POU3F3: variants seen among roughly 807,000 people sequenced by gnomAD.
POU3F3 encodes the protein POU domain, class 3, transcription factor 3.
POU3F3 carries 1 observed loss-of-function variant against 8.6 expected under a neutral mutation model. The observed-to-expected ratio is 0.12, with a 90% CI of 0.04 to 0.55. The LOEUF is 0.55. Ranked by LOEUF, POU3F3 falls within the 20% of genes least tolerant of loss-of-function variation. POU3F3 has a pLI of 0.91. For synonymous variants in POU3F3, 418 were observed against 327.4 expected (o/e 1.28, Z -2.99); for missense variants, 577 against 690.7 (o/e 0.84, Z 1.84).
the POU3F3 span, among the ~76,000 whole-genome samples, chr2:104,901,850 G>A: frequency 1.3e-5 from 2 of 152,216 alleles, no homozygotes; most frequent in African/African-American, 2.4e-5. Context: ...TAACCAAGTC[G>A]CTGTGTAAGT....
chr2:104,896,899 A>C, the POU3F3 span, among the ~76,000 whole-genome samples: 1 of 152,226 alleles, frequency 6.6e-6, no homozygotes, highest in Admixed American at 6.5e-5. Flanking sequence ...GCCCCTTGAC[A>C]TGAATGCAAC....
chr2:104,874,679 T>C, the POU3F3 span, among the ~76,000 whole-genome samples: 1 of 152,130 alleles, frequency 6.6e-6, no homozygotes, highest in Admixed American at 6.5e-5. Context: ...ATCTCACCAG[T>C]CCAGGCTCAA....
the POU3F3 span, among the ~76,000 whole-genome samples, chr2:104,906,829 T>C: frequency 1.3e-5 from 2 of 152,138 alleles, no homozygotes; most frequent in African/African-American, 4.8e-5. Context: ...TCCACATCAG[T>C]CTGATAGCAA....
the POU3F3 span, among the ~76,000 whole-genome samples, chr2:104,886,714 C>G: frequency 2.0e-5 from 3 of 152,194 alleles, no homozygotes; most frequent in Middle Eastern, 6.8e-3. Context: ...TCGAGACCAG[C>G]CTGGCCAACA....
At chr2:104,870,681 C>G in the POU3F3 span, among the ~76,000 whole-genome samples, 2 of 152,192 alleles carry the variant, frequency 1.3e-5, no homozygotes, top group Admixed American at 6.5e-5. Context: ...TTCATGGTGA[C>G]TAAAGAATCC....
chr2:104,876,726 C>A, the POU3F3 span, among the ~76,000 whole-genome samples: 1 of 152,148 alleles, frequency 6.6e-6, no homozygotes, highest in Non-Finnish European at 1.5e-5. Context: ...TTTGACTTGG[C>A]GCATCGAACC....
chr2:104,924,431 A>T, the POU3F3 span, among the ~76,000 whole-genome samples: 1 of 152,190 alleles, frequency 6.6e-6, no homozygotes, highest in African/African-American at 2.4e-5. Context: ...CTGCAAAGAC[A>T]ATTGGTTATT....
the POU3F3 span, chr2:104,868,311 G>C: frequency 4.4e-3 from 2,017 of 456,748 alleles, 13 homozygotes; most frequent in Non-Finnish European, 6.6e-3. Flanking sequence ...GCTAGGAGCA[G>C]GTGCAAGAAC....
the POU3F3 span, among the ~76,000 whole-genome samples, chr2:104,879,267 C>T: frequency 6.6e-6 from 1 of 151,656 alleles, no homozygotes; most frequent in Non-Finnish European, 1.5e-5. Flanking sequence ...ATGTCTTAAG[C>T]CGCGATTGGG....
At chr2:104,877,039 G>A in the POU3F3 span, among the ~76,000 whole-genome samples, 2 of 142,122 alleles carry the variant, frequency 1.4e-5, no homozygotes, top group East Asian at 4.2e-4. Context: ...GAAAAATCAT[G>A]ACTGTGGTAT....
At chr2:104,894,459 C>T in the POU3F3 span, among the ~76,000 whole-genome samples, 1 of 152,242 alleles carries the variant, frequency 6.6e-6, no homozygotes, top group African/African-American at 2.4e-5. Context: ...CGGTCACAGC[C>T]CCATGGTTGA....
chr2:104,926,094 A>T, the POU3F3 span: 1 of 152,240 alleles, frequency 6.6e-6, no homozygotes. Context: ...AAAAGCCAAA[A>T]TTGACAAATG....
chr2:104,892,469 G>A, the POU3F3 span, among the ~76,000 whole-genome samples: 1 of 151,906 alleles, frequency 6.6e-6, no homozygotes, highest in Non-Finnish European at 1.5e-5. Flanking sequence ...ACTTATGTAT[G>A]TATTTATTTA....
the POU3F3 span, among the ~76,000 whole-genome samples, chr2:104,881,150 C>CTTTCTTTCTTTCTTT: frequency 1.4e-5 from 1 of 72,710 alleles, no homozygotes; most frequent in African/African-American, 5.5e-5. Flanking sequence ...TTCTTTCTTT[C>CTTTCTTTCTTTCTTT]CTTTCTTTCC....
chr2:104,876,731 C>T, the POU3F3 span, among the ~76,000 whole-genome samples: 1,799 of 152,300 alleles, frequency 0.012, 41 homozygotes, highest in African/African-American at 0.041. Flanking sequence ...CTTGGCGCAT[C>T]GAACCACACT....
the POU3F3 span, among the ~76,000 whole-genome samples, chr2:104,878,814 G>T: frequency 6.6e-6 from 1 of 152,262 alleles, no homozygotes; most frequent in African/African-American, 2.4e-5. Context: ...TTGGTCCTGA[G>T]AGTCACTGCA....
In POU3F3 at chr2:104,855,818, A is replaced by G; in HGVS notation, c.308A>G (p.His103Arg). 8.9e-7 allele frequency: 1 copy of G among 1,123,424 alleles called. No individual in the cohort carries two copies. Among genetic ancestry groups the G allele is most frequent in the East Asian group, 7.2e-5 (1 of 13,864 alleles). The allele number at this position is 1,123,424 out of a possible 1,614,324, so 69.6% of individuals were successfully genotyped here. The change falls in exon 1 of 1, where the codon CAC (histidine) becomes CGC (arginine). Residue 103 changes from histidine (H) to arginine (R), a missense_variant. Coordinates refer to ENST00000361360, the MANE Select transcript of POU3F3 (RefSeq NM_006236.3). ...CACCAGTGGGTCACAGCCCTGCCCC[A>G]CGCCGCCGCCGCCGCCGCCGCTGCC... ...HAHQWVTALP[H>R]AAAAAAAAAA...
chr2:104,908,908 T>C, the POU3F3 span, among the ~76,000 whole-genome samples: 3 of 152,226 alleles, frequency 2.0e-5, no homozygotes, highest in Non-Finnish European at 4.4e-5. Context: ...GACATACATG[T>C]ATATTTTAAA....
chr2:104,907,098 C>T, the POU3F3 span, among the ~76,000 whole-genome samples: 2 of 152,166 alleles, frequency 1.3e-5, no homozygotes, highest in Non-Finnish European at 2.9e-5. Context: ...CCCAGCCCCT[C>T]ATCGTCATCC....
Sources: allele counts gnomAD v4.1 joint callset (sites outside exome capture counted in the v4.1 genomes callset), GRCh38; gene constraint gnomAD v4.1.1; transcripts MANE v1.5; gene names NCBI Gene and HGNC (gene_info 2026-07-23, HGNC 2026-07-21).